Variants in PPFIA2 observed in about 807,000 individuals in gnomAD.
The protein encoded by PPFIA2 is liprin-alpha-2.
PPFIA2 carries 46 observed loss-of-function variants against 175.5 expected under a neutral mutation model. The ratio of observed to expected loss-of-function variants is 0.26; its 90% CI spans 0.21 to 0.34. The LOEUF (loss-of-function observed/expected upper bound fraction) is 0.34. Among genes scored for constraint, PPFIA2 ranks in the 10% least tolerant of loss-of-function variants. PPFIA2 has a pLI of 1.00. For synonymous variants in PPFIA2, 568 were observed against 511.4 expected (o/e 1.11, Z -1.49); for missense variants, 1,179 against 1,506.1 (o/e 0.78, Z 3.60).
chr12:81,698,236 T>C (rs1327337615), intron 3 of PPFIA2, among the ~76,000 whole-genome samples: 1 of 152,104 alleles, frequency 6.6e-6, no homozygotes, highest in Non-Finnish European at 1.5e-5. Context: ...GTAATTACCA[T>C]TGTGATGGTG....
At chr12:81,675,087 G>T (rs2072222686) in intron 4 of PPFIA2, among the ~76,000 whole-genome samples, 1 of 151,730 alleles carries the variant, frequency 6.6e-6, no homozygotes, top group African/African-American at 2.4e-5. Flanking sequence ...AACCATCATG[G>T]TATAGCACAG....
chr12:81,743,708 T>C (rs953970579), intron 3 of PPFIA2, among the ~76,000 whole-genome samples: 2 of 152,088 alleles, frequency 1.3e-5, no homozygotes, highest in African/African-American at 4.8e-5. Context: ...TTCATCACAG[T>C]AGAGGATAAA....
chr12:81,623,744 A>C (rs998745483), intron 4 of PPFIA2, among the ~76,000 whole-genome samples: 7 of 151,936 alleles, frequency 4.6e-5, no homozygotes, highest in Non-Finnish European at 1.0e-4. Flanking sequence ...TTGAATAGTA[A>C]AGTATTAGCA....
chr12:81,598,051 T>C (rs1393442339), intron 4 of PPFIA2: 1 of 1,534,578 alleles, frequency 6.5e-7, no homozygotes, highest in Non-Finnish European at 8.7e-7. Flanking sequence ...ACTGAGACAA[T>C]ATAATCCACA....
intron 4 of PPFIA2, among the ~76,000 whole-genome samples, chr12:81,481,451 A>G (rs2058209558): frequency 6.6e-6 from 1 of 152,180 alleles, no homozygotes; most frequent in Admixed American, 6.5e-5. Context: ...CTAAACAAAA[A>G]GAACAAAGCT....
At chr12:81,710,307 CACACACACACACAT>C (rs2077724285) in intron 3 of PPFIA2, among the ~76,000 whole-genome samples, 1 of 19,912 alleles carries the variant, frequency 5.0e-5, no homozygotes, top group Non-Finnish European at 8.2e-5. Context: ...CACTCTCTCT[CACACACACACACAT>C]ACACACACAC....
At chr12:81,452,739 A>G (rs1487533856) in intron 5 of PPFIA2, among the ~76,000 whole-genome samples, 1 of 152,188 alleles carries the variant, frequency 6.6e-6, no homozygotes, top group Non-Finnish European at 1.5e-5. Flanking sequence ...AGATTTGTCA[A>G]TAAGAAAAAA....
At chr12:81,466,996 G>A (rs183352308) in intron 4 of PPFIA2, among the ~76,000 whole-genome samples, 8 of 149,306 alleles carry the variant, frequency 5.4e-5, no homozygotes, top group East Asian at 2.0e-4. Flanking sequence ...TAACTGAAAC[G>A]TAACTCGAGA....
chr12:81,366,951 T>A (rs1285088651), intron 14 of PPFIA2, among the ~76,000 whole-genome samples, 157 bp downstream of exon 14: 1 of 151,702 alleles, frequency 6.6e-6, no homozygotes, highest in Admixed American at 6.6e-5. Context: ...TTCCTCTCTA[T>A]GTACGCTTTT....
intron 24 of PPFIA2, 135 bp downstream of exon 24, chr12:81,294,700 A>G (rs780299763): frequency 1.7e-5 from 14 of 827,740 alleles, no homozygotes; most frequent in East Asian, 5.3e-5. Flanking sequence ...CAAGGTTAAT[A>G]AAGAGCAAGC....
At chr12:81,445,329 C>G (rs563363915) in intron 6 of PPFIA2, among the ~76,000 whole-genome samples, 4 of 150,970 alleles carry the variant, frequency 2.6e-5, no homozygotes, top group Non-Finnish European at 2.9e-5. Context: ...AAGTCTAATT[C>G]TGATAAGCCA....
chr12:81,384,651 C>A (rs1303079225), intron 8 of PPFIA2, among the ~76,000 whole-genome samples: 2 of 151,914 alleles, frequency 1.3e-5, no homozygotes, highest in East Asian at 1.9e-4. Flanking sequence ...ATAAGGTGTA[C>A]AATTTTAAAA....
chr12:81,557,652 C>T (rs894367345), intron 4 of PPFIA2, among the ~76,000 whole-genome samples: 1 of 152,020 alleles, frequency 6.6e-6, no homozygotes, highest in African/African-American at 2.4e-5. Flanking sequence ...ATCTTTAAAA[C>T]TAGTCTTTGT....
chr12:81,658,963 T>C (rs982864124), intron 4 of PPFIA2, among the ~76,000 whole-genome samples: 1 of 152,130 alleles, frequency 6.6e-6, no homozygotes, highest in Non-Finnish European at 1.5e-5. Context: ...AAGTTGAATA[T>C]ATATTAATAT....
At chr12:81,628,117 A>T (rs2062937058) in intron 4 of PPFIA2, among the ~76,000 whole-genome samples, 1 of 152,182 alleles carries the variant, frequency 6.6e-6, no homozygotes. Context: ...TTCCAATGTT[A>T]TACTTCATAT....
chr12:81,541,401 G>A (rs1412171279), intron 4 of PPFIA2, among the ~76,000 whole-genome samples: 1 of 152,012 alleles, frequency 6.6e-6, no homozygotes, highest in Non-Finnish European at 1.5e-5. Context: ...TAAAATTAAT[G>A]TTTCCATAAG....
At chr12:81,528,203 TC>T (rs2063977499) in intron 4 of PPFIA2, among the ~76,000 whole-genome samples, 1 of 151,992 alleles carries the variant, frequency 6.6e-6, no homozygotes, top group Admixed American at 6.6e-5. Flanking sequence ...ATTAGGGCAG[TC>T]ACCAACAATA....
At chr12:81,402,845 A>T (rs1169670939) in intron 8 of PPFIA2, among the ~76,000 whole-genome samples, 1 of 152,182 alleles carries the variant, frequency 6.6e-6, no homozygotes, top group Admixed American at 6.6e-5. Context: ...TCTCAAAAAT[A>T]TGTAAATAAA....
At chr12:81,518,828 C>T (rs2062775532) in intron 4 of PPFIA2, among the ~76,000 whole-genome samples, 1 of 152,012 alleles carries the variant, frequency 6.6e-6, no homozygotes, top group African/African-American at 2.4e-5. Context: ...AATAAGAGCT[C>T]AATAAATATT....
Sources: allele counts gnomAD v4.1 joint callset (sites outside exome capture counted in the v4.1 genomes callset), GRCh38; gene constraint gnomAD v4.1.1; transcripts MANE v1.5; gene names NCBI Gene and HGNC (gene_info 2026-07-23, HGNC 2026-07-21).